The following CACNA2D1 variants were observed in gnomAD, a reference collection of about 807,000 sequenced individuals.
The protein encoded by CACNA2D1 is calcium voltage-gated channel auxiliary subunit alpha2delta 1.
CACNA2D1 carries 53 observed loss-of-function variants against 171.5 expected under a neutral mutation model. That is an observed-to-expected ratio of 0.31 (90% confidence interval 0.25 to 0.39). The LOEUF is 0.39. CACNA2D1 is among the 10% of genes least tolerant of loss of function. The pLI, the probability that CACNA2D1 is intolerant of heterozygous loss-of-function variation, is 1.00. For synonymous variants in CACNA2D1, 442 were observed against 443.1 expected, an observed-to-expected ratio of 1.00 and a Z score of 0.03; for missense variants, 903 against 1,299.8, an observed-to-expected ratio of 0.69 and a Z score of 4.69.
chr7:82,381,551 C>T (rs1823717109), intron 1 of CACNA2D1, among the ~76,000 whole-genome samples: 1 of 152,082 alleles, frequency 6.6e-6, no homozygotes, highest in African/African-American at 2.4e-5. Context: ...ATTACTTTTA[C>T]TAAGTTTGGC....
rs757822492 is a variant in CACNA2D1 at position 82,277,327 on chromosome 7, G to A, written c.294+57808C>T. ...AAGTGATTTTCCTGCCTCAGCCCCC[G>A]AGTAGCTGGGACTACAGGTGCCCAC... On this transcript the variant is annotated intron_variant, in intron 3 of 38. Coordinates refer to ENST00000356860, the MANE Select transcript of CACNA2D1 (RefSeq NM_000722.4). 6.6e-5 allele frequency among the ~76,000 whole-genome samples: 10 copies of A among 151,748 alleles called. No individual in the cohort carries two copies. In the Middle Eastern group the frequency reaches 0.01, roughly 155 times the overall value.
At position 82,360,003 on chromosome 7, in the gene CACNA2D1, G is replaced by A. The variant is rs140678597; in HGVS notation, c.96-10354C>T. On this transcript the variant is annotated intron_variant, in intron 1 of 38. Coordinates refer to ENST00000356860, the MANE Select transcript of CACNA2D1 (RefSeq NM_000722.4). ...AGATGAGGAAACTGAGGCATAGAGC[G>A]GTTAAGTTACTTACCAAAGGACACA... Among the ~76,000 whole-genome samples, 428 of 152,270 alleles carry A rather than the reference G, an allele frequency of 2.8e-3. 3 individuals are homozygous for A. Among genetic ancestry groups the A allele is most frequent in the African/African-American group, 9.7e-3 (402 of 41,556 alleles).
Position 81,950,398 on chromosome 7 carries a change from C to A in CACNA2D1, c.3270G>T (p.Leu1090=). 6.2e-7 allele frequency: 1 copy of A among 1,613,250 alleles called. No individual in the cohort carries two copies. The change falls in exon 39 of 39, where the codon CTG becomes CTT. Residue 1090 remains leucine, a synonymous_variant. Transcript: ENST00000356860. ...AGATTTGGTTTTTAGAAGGTCATAA[C>A]AGGCGGTGTGTGCTGCCAGATACCA... The part of the protein sequence containing the change: ...LWLVSGSTHR[L]L
chr7:82,091,747 C>T (rs1811197972), intron 6 of CACNA2D1, among the ~76,000 whole-genome samples: 1 of 152,132 alleles, frequency 6.6e-6, no homozygotes, highest in Non-Finnish European at 1.5e-5. Context: ...ATCCTTTAAG[C>T]ATTCTAAGCT....
intron 3 of CACNA2D1, among the ~76,000 whole-genome samples, chr7:82,245,726 T>C (rs548453566): frequency 2.0e-5 from 3 of 151,798 alleles, no homozygotes; most frequent in Admixed American, 6.6e-5. Flanking sequence ...AAATTCACTT[T>C]AAAGGGAAGA....
At chr7:82,086,765 T>C (rs1810529040) in intron 6 of CACNA2D1, among the ~76,000 whole-genome samples, 1 of 152,140 alleles carries the variant, frequency 6.6e-6, no homozygotes, top group Admixed American at 6.6e-5. Context: ...GGCAATAACA[T>C]CTAGTTATTT....
chr7:82,343,495 A>T (rs1375772005), intron 2 of CACNA2D1, among the ~76,000 whole-genome samples: 1 of 152,188 alleles, frequency 6.6e-6, no homozygotes, highest in Non-Finnish European at 1.5e-5. Context: ...AGAAAAACTA[A>T]ACTATAACAA....
intron 3 of CACNA2D1, among the ~76,000 whole-genome samples, chr7:82,320,693 G>C (rs1016563031): frequency 6.6e-6 from 1 of 151,546 alleles, no homozygotes; most frequent in Non-Finnish European, 1.5e-5. Flanking sequence ...GAGATTACAG[G>C]AGTGAGCCAC....
chr7:82,405,763 C>T (rs774058872), intron 1 of CACNA2D1, among the ~76,000 whole-genome samples: 1 of 152,130 alleles, frequency 6.6e-6, no homozygotes, highest in Non-Finnish European at 1.5e-5. Flanking sequence ...CACATCCTCA[C>T]TCTTTCCACT....
intron 2 of CACNA2D1, among the ~76,000 whole-genome samples, chr7:82,348,856 G>A (rs1218322691): frequency 3.3e-5 from 5 of 152,138 alleles, no homozygotes; most frequent in African/African-American, 9.6e-5. Context: ...ACATTGAAAC[G>A]AAAGTAGTGG....
intron 38 of CACNA2D1, among the ~76,000 whole-genome samples, chr7:81,955,956 G>T (rs1232238248): frequency 2.1e-5 from 2 of 95,276 alleles, no homozygotes; most frequent in African/African-American, 3.7e-5. Flanking sequence ...TAAAGTCACT[G>T]TTGCTATATA....
chr7:82,320,021 G>A (rs1364979182), intron 3 of CACNA2D1, among the ~76,000 whole-genome samples: 1 of 152,022 alleles, frequency 6.6e-6, no homozygotes, highest in Non-Finnish European at 1.5e-5. Flanking sequence ...ATGCAAGATA[G>A]AGCATATGAG....
At chr7:82,016,832 CT>C (rs1272487036) in intron 12 of CACNA2D1, among the ~76,000 whole-genome samples, 1 of 152,056 alleles carries the variant, frequency 6.6e-6, no homozygotes, top group Non-Finnish European at 1.5e-5. Context: ...TGCATAGGTT[CT>C]TGGCTACTTA....
chr7:82,164,148 T>C lies in CACNA2D1; in HGVS notation c.354+6402A>G, dbSNP rs1002200351. 2.0e-4 allele frequency among the ~76,000 whole-genome samples: 30 copies of C among 151,946 alleles called. 1 individual carries two copies. The highest frequency in any genetic ancestry group is 4.1e-4 in the South Asian group (2 of 4,832). On this transcript the variant is annotated intron_variant, in intron 4 of 38. Coordinates refer to ENST00000356860, the MANE Select transcript of CACNA2D1 (RefSeq NM_000722.4). ...GTAAAAGTGCAGTTCAAATTTTCAT[T>C]ATCTCCACAGTAATATTGTCAATAA...
rs201665486 is a variant in CACNA2D1, at chr7:82,103,663, G to GTATATACA, written c.526+13373_526+13380dup. Among the ~76,000 whole-genome samples the GTATATACA allele has an allele frequency of 1.8e-3, 229 of 124,356 alleles. 3 individuals are homozygous for GTATATACA. The highest frequency in any genetic ancestry group is 0.018 in the East Asian group (76 of 4,128). The allele number at this position is 124,356 out of a possible 152,430, so 81.6% of individuals were successfully genotyped here. A position where few individuals can be genotyped will look rare whatever the true frequency, so the allele number is the denominator to read the frequency against. On this transcript the variant is annotated intron_variant, in intron 6 of 38. Transcript: ENST00000356860. ...GCTTGCCAAATAAACATTTGTGTGT[G>GTATATACA]TATATACATATTCAGATTTTGATAG... is the stretch of plus-strand genomic sequence containing the variant.
chr7:82,275,221 GCAAGATCCTTGCCTCTGT>G (rs1809173026), intron 3 of CACNA2D1, among the ~76,000 whole-genome samples: 2 of 152,114 alleles, frequency 1.3e-5, no homozygotes, highest in Non-Finnish European at 2.9e-5. Flanking sequence ...AGAACCTACA[GCAAGATCCTTGCCTCTGT>G]CATGTAGTTC....
At chr7:82,054,976 C>T (rs1265744759) in intron 10 of CACNA2D1, among the ~76,000 whole-genome samples, 1 of 152,066 alleles carries the variant, frequency 6.6e-6, no homozygotes, top group Non-Finnish European at 1.5e-5. Context: ...TCAACTAAGG[C>T]CAAAGTAAGA....
At chr7:82,389,163 T>TAC (rs147281778) in intron 1 of CACNA2D1, among the ~76,000 whole-genome samples, 15,706 of 145,152 alleles carry the variant, frequency 0.11, 1,002 homozygotes, top group East Asian at 0.17. Context: ...TATATATATA[T>TAC]ATACACACAC....
Position 81,950,037 on chromosome 7 carries a change from G to T in CACNA2D1, c.*355C>A. ...AAATTGCAGCAAGTCAAAATTCCAG[G>T]TCAATATCAAGACATTTCTTATGGT... On this transcript the variant is annotated 3_prime_UTR_variant, in exon 39 of 39. Coordinates refer to ENST00000356860, the MANE Select transcript of CACNA2D1 (RefSeq NM_000722.4). 1 of 198,248 alleles carries T rather than the reference G, an allele frequency of 5.0e-6. No homozygotes were observed. The highest frequency in any genetic ancestry group is 1.0e-5 in the Non-Finnish European group (1 of 97,752). The allele number at this position is 198,248 out of a possible 1,614,324, so 12.3% of individuals were successfully genotyped here. A position where few individuals can be genotyped will look rare whatever the true frequency, so the allele number is the denominator to read the frequency against.
Sources: allele counts gnomAD v4.1 joint callset (sites outside exome capture counted in the v4.1 genomes callset), GRCh38; gene constraint gnomAD v4.1.1; transcripts MANE v1.5; gene names NCBI Gene and HGNC (gene_info 2026-07-23, HGNC 2026-07-21).